The following CATSPERT variants were observed in gnomAD, a reference collection of about 807,000 sequenced individuals.
CATSPERT encodes cation channel sperm-associated targeting subunit tau.
chr2:201,535,229 A>G, the CATSPERT span: 1 of 985,136 alleles, frequency 1.0e-6, no homozygotes, highest in Non-Finnish European at 1.2e-6. Context: ...AATAATGAGA[A>G]AAATAGGTCT....
chr2:201,584,140 A>T, the CATSPERT span, among the ~76,000 whole-genome samples: 1 of 152,168 alleles, frequency 6.6e-6, no homozygotes, highest in East Asian at 1.9e-4. Flanking sequence ...AAATACAAAA[A>T]GTAGCCAAGC....
the CATSPERT span, among the ~76,000 whole-genome samples, chr2:201,514,899 T>C: frequency 2.6e-5 from 4 of 152,218 alleles, no homozygotes; most frequent in African/African-American, 4.8e-5. Flanking sequence ...AGTGGCTTTG[T>C]TTTTGGTGGC....
the CATSPERT span, among the ~76,000 whole-genome samples, chr2:201,497,958 T>G: frequency 6.6e-6 from 1 of 151,994 alleles, no homozygotes; most frequent in East Asian, 1.9e-4. Flanking sequence ...ACAGAAAATA[T>G]GAGAGCAGAT....
the CATSPERT span, among the ~76,000 whole-genome samples, chr2:201,595,921 A>C: frequency 0.025 from 132 of 5,198 alleles, 2 homozygotes; most frequent in Admixed American, 0.067. Flanking sequence ...AAAAAAAAAA[A>C]AAAACAGATG....
chr2:201,571,769 C>T, the CATSPERT span, among the ~76,000 whole-genome samples: 5 of 152,150 alleles, frequency 3.3e-5, no homozygotes, highest in Non-Finnish European at 5.9e-5. Context: ...AAAATTTCTC[C>T]CTGTTATTAA....
chr2:201,595,806 G>A, the CATSPERT span, among the ~76,000 whole-genome samples: 1 of 151,756 alleles, frequency 6.6e-6, no homozygotes, highest in African/African-American at 2.4e-5. Context: ...CAACAATCAT[G>A]TGAAAAAAAG....
chr2:201,599,000 A>G, the CATSPERT span, among the ~76,000 whole-genome samples: 2 of 152,066 alleles, frequency 1.3e-5, no homozygotes, highest in African/African-American at 4.8e-5. Flanking sequence ...TATTCAAACT[A>G]GCCAATCCTA....
At chr2:201,495,829 T>C in the CATSPERT span, 2 of 1,084,110 alleles carry the variant, frequency 1.8e-6, no homozygotes, top group Non-Finnish European at 2.7e-6. Flanking sequence ...AACTATTGAA[T>C]TAAAGTATTG....
At chr2:201,611,044 T>G in the CATSPERT span, among the ~76,000 whole-genome samples, 9 of 152,168 alleles carry the variant, frequency 5.9e-5, no homozygotes, top group Admixed American at 5.2e-4. Context: ...CTAAAAGCCT[T>G]TCCTCTAAGA....
the CATSPERT span, among the ~76,000 whole-genome samples, chr2:201,533,893 T>C: frequency 6.6e-6 from 1 of 152,162 alleles, no homozygotes; most frequent in Non-Finnish European, 1.5e-5. Flanking sequence ...CTGAAGGTTC[T>C]GTTTTTGTAT....
chr2:201,497,006 C>T, the CATSPERT span, among the ~76,000 whole-genome samples: 1 of 152,192 alleles, frequency 6.6e-6, no homozygotes, highest in Non-Finnish European at 1.5e-5. Context: ...AAACGTGACA[C>T]ATCTCTTCAC....
the CATSPERT span, among the ~76,000 whole-genome samples, chr2:201,573,665 AT>A: frequency 6.6e-6 from 1 of 151,146 alleles, no homozygotes; most frequent in Non-Finnish European, 1.5e-5. Flanking sequence ...GTTTTATTTT[AT>A]TTTTTTTTGA....
At chr2:201,505,377 G>A in the CATSPERT span, among the ~76,000 whole-genome samples, 5 of 152,014 alleles carry the variant, frequency 3.3e-5, no homozygotes, top group African/African-American at 9.7e-5. Flanking sequence ...CACTGCACCC[G>A]GCCCCCAGAA....
At chr2:201,535,164 G>A in the CATSPERT span, 2 of 984,020 alleles carry the variant, frequency 2.0e-6, no homozygotes, top group East Asian at 1.1e-4. Context: ...TTAAAATTAT[G>A]TCTTTTGAAA....
At chr2:201,491,647 T>C in the CATSPERT span, 3 of 1,537,150 alleles carry the variant, frequency 2.0e-6, no homozygotes, top group Non-Finnish European at 2.6e-6. Context: ...TCTGTTTAAG[T>C]ACTCATCTTC....
At chr2:201,492,523 G>T in the CATSPERT span, 1 of 1,535,842 alleles carries the variant, frequency 6.5e-7, no homozygotes, top group East Asian at 2.5e-5. Flanking sequence ...TTCATGAAAA[G>T]ATATTGAGAC....
the CATSPERT span, among the ~76,000 whole-genome samples, chr2:201,561,836 T>C: frequency 6.6e-6 from 1 of 150,432 alleles, no homozygotes; most frequent in Non-Finnish European, 1.5e-5. Flanking sequence ...ATCACGCCAC[T>C]GCACTCCCGC....
the CATSPERT span, among the ~76,000 whole-genome samples, chr2:201,505,055 G>A: frequency 1.3e-5 from 2 of 152,128 alleles, no homozygotes; most frequent in African/African-American, 2.4e-5. Context: ...CCCTGGTACT[G>A]GAACACCAAT....
the CATSPERT span, among the ~76,000 whole-genome samples, chr2:201,591,454 A>T: frequency 6.6e-6 from 1 of 152,028 alleles, no homozygotes; most frequent in Non-Finnish European, 1.5e-5. Context: ...CTTAGGATTG[A>T]CTTGGCAATG....
Sources: allele counts gnomAD v4.1 joint callset (sites outside exome capture counted in the v4.1 genomes callset), GRCh38; gene constraint gnomAD v4.1.1; transcripts MANE v1.5; gene names NCBI Gene and HGNC (gene_info 2026-07-23, HGNC 2026-07-21).